Variants in TSPAN19 observed in about 807,000 individuals in gnomAD.
TSPAN19 encodes tetraspanin 19.
In TSPAN19, 44 loss-of-function variants were observed where a neutral mutation model predicts 35.1. The observed-to-expected ratio is 1.25, with a 90% confidence interval of 0.98 to 1.61. The LOEUF (loss-of-function observed/expected upper bound fraction) is 1.61, where lower values mean the gene tolerates loss of function less well. TSPAN19 is among the 40% of genes most tolerant of loss of function. The pLI, the probability that TSPAN19 is intolerant of heterozygous loss-of-function variation, is 0.00. For synonymous variants in TSPAN19, 79 were observed against 92.0 expected (o/e 0.86, Z 0.81); for missense variants, 290 against 280.0 (o/e 1.04, Z -0.26).
intron 7 of TSPAN19, chr12:85,016,540 G>A (rs1876816616): frequency 6.6e-6 from 1 of 151,806 alleles, no homozygotes; most frequent in African/African-American, 2.4e-5. Flanking sequence ...CTCAACAGTC[G>A]ATCTTACAAT....
At chr12:85,019,810 C>A (rs748653870) in intron 5 of TSPAN19, 74 bp from the exon 6 acceptor site, 12 of 709,860 alleles carry the variant, frequency 1.7e-5, no homozygotes, top group Non-Finnish European at 2.9e-5. Flanking sequence ...ATTGATGGTT[C>A]CTCAAGAGTA....
At chr12:85,018,552 G>A (rs1258628282) in intron 6 of TSPAN19, among the ~76,000 whole-genome samples, 1 of 151,850 alleles carries the variant, frequency 6.6e-6, no homozygotes. Flanking sequence ...TTGTAATGCA[G>A]TTTGAAAATA....
intron 4 of TSPAN19, among the ~76,000 whole-genome samples, chr12:85,024,086 G>A (rs1395200443): frequency 6.6e-6 from 1 of 152,164 alleles, no homozygotes; most frequent in Non-Finnish European, 1.5e-5. Flanking sequence ...ATTCTGTGAG[G>A]AGAGGGTAGA....
intron 5 of TSPAN19, among the ~76,000 whole-genome samples, chr12:85,021,394 G>T (rs1442455914): frequency 6.6e-6 from 1 of 151,922 alleles, no homozygotes; most frequent in Non-Finnish European, 1.5e-5. Flanking sequence ...CATTTAAGAA[G>T]ATTAGAATAA....
chr12:85,023,769 T>C (rs951244874), intron 4 of TSPAN19, among the ~76,000 whole-genome samples: 2 of 152,174 alleles, frequency 1.3e-5, no homozygotes, highest in African/African-American at 4.8e-5. Flanking sequence ...TGATGTACTA[T>C]TTAAACTTAT....
intron 6 of TSPAN19, among the ~76,000 whole-genome samples, chr12:85,018,891 T>A (rs1876962015): frequency 6.6e-6 from 1 of 151,852 alleles, no homozygotes; most frequent in South Asian, 2.1e-4. Context: ...GCAAAGCACT[T>A]ACAAAAAAGT....
At chr12:85,030,109 G>T (rs1196779094) in intron 1 of TSPAN19, 136 bp from the exon 2 acceptor site, 3 of 688,022 alleles carry the variant, frequency 4.4e-6, no homozygotes, top group Non-Finnish European at 6.2e-6. Flanking sequence ...CTAAATGAAA[G>T]GATTTATTGA....
intron 1 of TSPAN19, among the ~76,000 whole-genome samples, chr12:85,030,982 T>C (rs1244267170): frequency 1.3e-5 from 2 of 152,286 alleles, no homozygotes; most frequent in Non-Finnish European, 2.9e-5. Context: ...AAGATTATTT[T>C]AAAGCTATTT....
At chr12:85,023,275 C>T in intron 5 of TSPAN19, 51 bp downstream of exon 5, 2 of 1,459,236 alleles carry the variant, frequency 1.4e-6, no homozygotes, top group South Asian at 1.2e-5. Flanking sequence ...TATCCAATTT[C>T]CTTTAAACTT....
intron 4 of TSPAN19, among the ~76,000 whole-genome samples, chr12:85,026,933 G>A (rs1249169496): frequency 1.3e-5 from 2 of 152,120 alleles, no homozygotes; most frequent in African/African-American, 2.4e-5. Context: ...CATAAAAGCT[G>A]AGTATCTCTG....
At chr12:85,022,663 A>C (rs532791632) in intron 5 of TSPAN19, among the ~76,000 whole-genome samples, 3 of 152,264 alleles carry the variant, frequency 2.0e-5, no homozygotes, top group East Asian at 3.9e-4. Context: ...GACTTCAAGT[A>C]CATGTTCATT....
intron 7 of TSPAN19, 51 bp downstream of exon 7, chr12:85,017,405 T>C: frequency 6.6e-7 from 1 of 1,517,218 alleles, no homozygotes; most frequent in African/African-American, 1.4e-5. Flanking sequence ...ACTTGCAAAA[T>C]AAACAAACAA....
intron 6 of TSPAN19, among the ~76,000 whole-genome samples, chr12:85,018,699 T>TATA (rs1466270292): frequency 7.9e-5 from 12 of 151,968 alleles, no homozygotes; most frequent in African/African-American, 2.4e-4. Context: ...ATGTGAGGCA[T>TATA]ATAATATAGC....
Position 85,036,274 on chromosome 12 carries a change from G to A in TSPAN19, c.-98C>T, listed in dbSNP as rs1357466917. 1.3e-5 allele frequency: 2 copies of A among 152,186 alleles called. No homozygotes were observed. Among genetic ancestry groups the A allele is most frequent in the East Asian group, 1.9e-4 (1 of 5,200 alleles). 9.4% of individuals were successfully genotyped at this position (152,186 alleles called of 1,614,324 possible). ...TTCGTTTCAATTTAGAATCGAGATT[G>A]TTTGTCCTTCTAGAGCACCTGTAGG... On this transcript the variant is annotated 5_prime_UTR_variant, in exon 1 of 9. Coordinates refer to ENST00000532498, the MANE Select transcript of TSPAN19 (RefSeq NM_001100917.2).
chr12:85,033,350 A>T (rs1165788608), intron 1 of TSPAN19, among the ~76,000 whole-genome samples: 1 of 150,502 alleles, frequency 6.6e-6, no homozygotes, highest in Non-Finnish European at 1.5e-5. Context: ...TTTACTAAAG[A>T]TTTTTTTTTT....
intron 1 of TSPAN19, 111 bp from the exon 2 acceptor site, chr12:85,030,084 A>G (rs1877613136): frequency 1.2e-6 from 1 of 837,484 alleles, no homozygotes; most frequent in African/African-American, 1.8e-5. Flanking sequence ...TTATCAGTAT[A>G]ACATACTTCC....
intron 8 of TSPAN19, chr12:85,015,034 A>T (rs1188979916): frequency 6.6e-6 from 1 of 152,184 alleles, no homozygotes; most frequent in African/African-American, 2.4e-5. Flanking sequence ...ATAAACATTT[A>T]AAAACAATGA....
rs1319379222 is a variant in TSPAN19 at position 85,029,753 on chromosome 12, G to A, written c.105C>T (p.Leu35=). ...GLLFMGFGAW[L]LLDRNNFLTA... ...TTAAAAAATTATTTCTATCTAATAA[G>A]AGCCATGCACCAAATCCCATGAATA... The change falls in exon 3 of 9, where the codon CTC becomes CTT. Residue 35 remains leucine (L), a synonymous_variant. Coordinates refer to ENST00000532498, the MANE Select transcript of TSPAN19 (RefSeq NM_001100917.2). The A allele has an allele frequency of 1.3e-6, 2 of 1,542,160 alleles. No homozygotes were observed. Among genetic ancestry groups the A allele is most frequent in the South Asian group, 1.2e-5 (1 of 80,766 alleles).
At chr12:85,028,060 A>G in intron 3 of TSPAN19, 37 bp from the exon 4 acceptor site, 3 of 1,442,460 alleles carry the variant, frequency 2.1e-6, no homozygotes, top group Non-Finnish European at 2.8e-6. Context: ...ATGAAGTGGT[A>G]TTTTATATGA....
Sources: allele counts gnomAD v4.1 joint callset (sites outside exome capture counted in the v4.1 genomes callset), GRCh38; gene constraint gnomAD v4.1.1; transcripts MANE v1.5; gene names NCBI Gene and HGNC (gene_info 2026-07-23, HGNC 2026-07-21).